The following TNFRSF8 variants were observed in gnomAD, a reference collection of about 807,000 sequenced individuals.
The protein encoded by TNFRSF8 is tumor necrosis factor receptor superfamily member 8.
Under a neutral mutation model 70.8 loss-of-function variants are expected in TNFRSF8, and 26 were observed. The ratio of observed to expected loss-of-function variants is 0.37; its 90% confidence interval spans 0.27 to 0.51. TNFRSF8 has a LOEUF of 0.51. Among genes scored for constraint, TNFRSF8 ranks in the 20% least tolerant of loss-of-function variants. The probability of loss-of-function intolerance (pLI) is 0.94; values close to 1 mark genes in which losing one functional copy is unlikely to be tolerated. For missense variants in TNFRSF8, 720 were observed against 807.9 expected (o/e 0.89, Z 1.32); for synonymous variants, 356 against 339.2 (o/e 1.05, Z -0.54).
At chr1:12,103,651 T>G (rs1295206958) in intron 3 of TNFRSF8, among the ~76,000 whole-genome samples, 1 of 152,094 alleles carries the variant, frequency 6.6e-6, no homozygotes, top group East Asian at 1.9e-4. Flanking sequence ...TGTATTTTTT[T>G]TTTGTAGAGA....
chr1:12,068,644 G>C (rs754488502), intron 1 of TNFRSF8, among the ~76,000 whole-genome samples: 1 of 152,120 alleles, frequency 6.6e-6, no homozygotes, highest in Non-Finnish European at 1.5e-5. Flanking sequence ...CTCCCTGAAT[G>C]CCTAAGTCTT....
intron 1 of TNFRSF8, among the ~76,000 whole-genome samples, chr1:12,074,177 C>T (rs576255436): frequency 6.8e-6 from 1 of 148,120 alleles, no homozygotes; most frequent in Non-Finnish European, 1.5e-5. Flanking sequence ...AAAACGGACT[C>T]GCTCTCCTCC....
intron 1 of TNFRSF8, among the ~76,000 whole-genome samples, chr1:12,070,014 G>C (rs1640814330): frequency 6.6e-6 from 1 of 152,180 alleles, no homozygotes; most frequent in Non-Finnish European, 1.5e-5. Context: ...GGAGGGAAGT[G>C]AGTGGAGAGG....
rs2101002663 is a variant in TNFRSF8 at position 12,109,196 on chromosome 1, A to G, written c.422-370A>G. 6.6e-6 allele frequency among the ~76,000 whole-genome samples: 1 copy of G among 152,212 alleles called. No individual in the cohort carries two copies. The highest frequency in any genetic ancestry group is 2.4e-5 in the African/African-American group (1 of 41,516). On this transcript the variant is annotated intron_variant, in intron 4 of 14. Transcript: ENST00000263932. The surrounding 1 kb of genome is among the most constrained non-coding windows in gnomAD (Gnocchi z 4.4). ...CCAAAACCAAAACCTTTAAATCCCA[A>G]ACCAGAATCTTTAAATTCTACCTCA...
At chr1:12,069,579 T>TCA (rs1468055281) in intron 1 of TNFRSF8, among the ~76,000 whole-genome samples, 1 of 152,186 alleles carries the variant, frequency 6.6e-6, no homozygotes, top group Non-Finnish European at 1.5e-5. Flanking sequence ...TCTCAGCCAG[T>TCA]CACACACCTG....
intron 12 of TNFRSF8, among the ~76,000 whole-genome samples, chr1:12,134,743 A>C (rs1642113964): frequency 6.6e-6 from 1 of 152,216 alleles, no homozygotes; most frequent in Non-Finnish European, 1.5e-5. Flanking sequence ...GGCGTGTCCC[A>C]GGCAGGGTCC....
At chr1:12,121,310 T>C (rs565151653) in intron 8 of TNFRSF8, among the ~76,000 whole-genome samples, 1 of 152,300 alleles carries the variant, frequency 6.6e-6, no homozygotes, top group South Asian at 2.1e-4. Context: ...GCTTTACTTT[T>C]TTGTCTATTT....
intron 1 of TNFRSF8, among the ~76,000 whole-genome samples, chr1:12,073,760 A>G (rs1185270429): frequency 6.6e-6 from 1 of 151,306 alleles, no homozygotes; most frequent in Non-Finnish European, 1.5e-5. Flanking sequence ...CGCCTGGCTA[A>G]TTTTTATGTA....
chr1:12,105,939 CAAAAA>C (rs748432437), intron 4 of TNFRSF8, among the ~76,000 whole-genome samples: 2 of 64,918 alleles, frequency 3.1e-5, no homozygotes, highest in Admixed American at 1.8e-4. Flanking sequence ...GACTCCGTCT[CAAAAA>C]AAAAAAAAAA....
chr1:12,134,239 A>G (rs1381432862), intron 12 of TNFRSF8, among the ~76,000 whole-genome samples: 1 of 152,220 alleles, frequency 6.6e-6, no homozygotes. Context: ...CGTGGCTGAC[A>G]TACGGGCATC....
rs1642277303 is a variant in TNFRSF8, at chr1:12,142,635, A to G, written c.*104A>G. 4 of 1,424,184 alleles carry G rather than the reference A, an allele frequency of 2.8e-6. No homozygotes were observed. Among genetic ancestry groups the G allele is most frequent in the Non-Finnish European group, 3.7e-6 (4 of 1,069,484 alleles). 88.2% of individuals were successfully genotyped at this position (1,424,184 alleles called of 1,614,324 possible). ...GGGGGCAGAGGCCCATCTGGCCTGAACTGAGGCTCCAGCATCTAGTGGTGG... is the reference window on the plus strand; with the variant it reads ...GGGGGCAGAGGCCCATCTGGCCTGAGCTGAGGCTCCAGCATCTAGTGGTGG... On this transcript the variant is annotated 3_prime_UTR_variant, in exon 15 of 15. Transcript: ENST00000263932. This position sits in a 1 kb window ranked among gnomAD's most constrained non-coding sequence, Gnocchi z 5.0.
chr1:12,093,888 G>A (rs1039685360), intron 2 of TNFRSF8, among the ~76,000 whole-genome samples: 1 of 151,812 alleles, frequency 6.6e-6, no homozygotes, highest in Non-Finnish European at 1.5e-5. Flanking sequence ...TGGCTAACAC[G>A]GTGAAACCCC....
chr1:12,115,752 C>T (rs1200002564), intron 8 of TNFRSF8, 23 bp downstream of exon 8: 18 of 1,611,208 alleles, frequency 1.1e-5, no homozygotes, highest in Non-Finnish European at 1.5e-5. Flanking sequence ...CACCCCAGGC[C>T]TCGACCACAG....
chr1:12,078,989 A>G (rs1034281246), intron 1 of TNFRSF8, among the ~76,000 whole-genome samples: 2 of 152,198 alleles, frequency 1.3e-5, no homozygotes, highest in Non-Finnish European at 2.9e-5. Flanking sequence ...CTCACCTTGA[A>G]TAACAGAGCG....
chr1:12,076,287 A>G (rs1640966137), intron 1 of TNFRSF8, among the ~76,000 whole-genome samples: 1 of 151,808 alleles, frequency 6.6e-6, no homozygotes, highest in Non-Finnish European at 1.5e-5. Context: ...TTTAGTAGAG[A>G]TGGGGTTTTA....
At chr1:12,089,434 G>A (rs1289241462) in intron 2 of TNFRSF8, among the ~76,000 whole-genome samples, 1 of 152,192 alleles carries the variant, frequency 6.6e-6, no homozygotes, top group African/African-American at 2.4e-5. Flanking sequence ...GCTGAAGTCA[G>A]ACCAGCCTCT....
rs11569870 is a variant in TNFRSF8 at position 12,109,333 on chromosome 1, G to A, written c.422-233G>A. Among the ~76,000 whole-genome samples, 2,104 of 152,184 alleles carry A rather than the reference G, an allele frequency of 0.014. 48 individuals carry two copies. The highest frequency in any genetic ancestry group is 0.048 in the African/African-American group (1,985 of 41,514). On this transcript the variant is annotated intron_variant, in intron 4 of 14. Transcript: ENST00000263932. This position sits in a 1 kb window ranked among gnomAD's most constrained non-coding sequence, Gnocchi z 4.4. Reference sequence around the variant, plus strand: ...GCCACTCGGGAAAGGGGGTTCAGTCGGTCCCAACCCCTAACCACAGATGCT... The same window carrying A: ...GCCACTCGGGAAAGGGGGTTCAGTCAGTCCCAACCCCTAACCACAGATGCT...
intron 8 of TNFRSF8, among the ~76,000 whole-genome samples, chr1:12,121,383 G>C (rs1641826410): frequency 6.6e-6 from 1 of 152,196 alleles, no homozygotes; most frequent in Non-Finnish European, 1.5e-5. Flanking sequence ...ATGTGTGTGG[G>C]GTTGCTTTGT....
At chr1:12,073,380 C>T (rs941346923) in intron 1 of TNFRSF8, among the ~76,000 whole-genome samples, 2 of 152,128 alleles carry the variant, frequency 1.3e-5, no homozygotes, top group Admixed American at 1.3e-4. Flanking sequence ...CGAATACTCC[C>T]AGGGAGCTGG....
Sources: gnomAD v4.1 joint callset for allele counts (sites outside exome capture counted in the v4.1 genomes callset) on GRCh38, gnomAD v4.1.1 for gene constraint, Gnocchi (gnomAD v3.1) non-coding constraint, MANE v1.5 for transcripts, NCBI Gene and HGNC (gene_info 2026-07-23, HGNC 2026-07-21) for gene names.